Variants in VPS26B observed in about 807,000 individuals in gnomAD.
VPS26B encodes the protein vacuolar protein sorting-associated protein 26B.
VPS26B carries 10 observed loss-of-function variants against 33.3 expected under a neutral mutation model. The ratio of observed to expected loss-of-function variants is 0.30; its 90% CI spans 0.19 to 0.51. The LOEUF (loss-of-function observed/expected upper bound fraction) is 0.51. VPS26B is among the 20% of genes least tolerant of loss of function. The pLI, the probability that VPS26B is intolerant of heterozygous loss-of-function variation, is 0.98. For synonymous variants in VPS26B, 190 were observed against 176.9 expected (o/e 1.07, Z -0.59); for missense variants, 317 against 452.7 (o/e 0.70, Z 2.72).
rs1317673865 is a variant in VPS26B, at chr11:134,240,249, G to A, written c.545+94G>A. The A allele has an allele frequency of 7.0e-6, 10 of 1,429,130 alleles. No individual in the cohort carries two copies. Among genetic ancestry groups the A allele is most frequent in the Middle Eastern group, 2.1e-4 (1 of 4,854 alleles). The allele number at this position is 1,429,130 out of a possible 1,614,324, so 88.5% of individuals were successfully genotyped here. A position where few individuals can be genotyped will look rare whatever the true frequency, so the allele number is the denominator to read the frequency against. ...GCAAACTGATGACCCTCTGTGACTCGACTGCTTTGTGGTGGCATGCGGTGG... is the reference window on the plus strand; with the variant it reads ...GCAAACTGATGACCCTCTGTGACTCAACTGCTTTGTGGTGGCATGCGGTGG... On this transcript the variant is annotated intron_variant, in intron 3 of 5. Transcript: ENST00000281187. The surrounding 1 kb of genome is among the most constrained non-coding windows in gnomAD (Gnocchi z 4.4).
intron 1 of VPS26B, among the ~76,000 whole-genome samples, chr11:134,232,808 G>A (rs1407872408): frequency 6.6e-6 from 1 of 152,162 alleles, no homozygotes; most frequent in Non-Finnish European, 1.5e-5. Context: ...AGAATCTAGT[G>A]CTTAGAAACT....
intron 1 of VPS26B, among the ~76,000 whole-genome samples, chr11:134,232,981 C>T (rs1938578493): frequency 6.6e-6 from 1 of 152,178 alleles, no homozygotes; most frequent in Admixed American, 6.5e-5. Context: ...TGGGGGGGCA[C>T]AATTACTGGA....
chr11:134,230,500 T>C (rs892224757), intron 1 of VPS26B, among the ~76,000 whole-genome samples: 3 of 152,226 alleles, frequency 2.0e-5, no homozygotes, highest in Non-Finnish European at 4.4e-5. Flanking sequence ...ATGAGCAACA[T>C]GTGGTTGTCC....
chr11:134,244,769 ATTT>A lies in VPS26B; in HGVS notation c.722-166_722-164del. Reference sequence around the variant, plus strand: ...ACCTGGAGTGGAACTGGAGAGTCACATTTTTGTTTCAGCCACCTGCTGGGCAGC... The same window carrying A: ...ACCTGGAGTGGAACTGGAGAGTCACATTGTTTCAGCCACCTGCTGGGCAGC... On this transcript the variant is annotated intron_variant, in intron 4 of 5. Transcript: ENST00000281187. This position sits in a 1 kb window ranked among gnomAD's most constrained non-coding sequence, Gnocchi z 4.0. 2 of 860,890 alleles carry A rather than the reference ATTT, an allele frequency of 2.3e-6. No individual in the cohort carries two copies. The highest frequency in any genetic ancestry group is 3.4e-6 in the Non-Finnish European group (2 of 583,340). 53.3% of individuals were successfully genotyped at this position (860,890 alleles called of 1,614,324 possible). A position where few individuals can be genotyped will look rare whatever the true frequency, so the allele number is the denominator to read the frequency against.
At chr11:134,237,400 GGAA>G (rs1867656155) in intron 2 of VPS26B, among the ~76,000 whole-genome samples, 1 of 152,192 alleles carries the variant, frequency 6.6e-6, no homozygotes, top group Non-Finnish European at 1.5e-5. Context: ...GCTATCAGGA[GGAA>G]GAAATGATCT....
In VPS26B at chr11:134,225,360, G is replaced by A. The variant is rs1938430313; in HGVS notation, c.223+15G>A. 3.1e-6 allele frequency: 5 copies of A among 1,612,420 alleles called. No individual in the cohort carries two copies. The highest frequency in any genetic ancestry group is 4.2e-6 in the Non-Finnish European group (5 of 1,179,346). On this transcript the variant is annotated intron_variant, in intron 1 of 5. Transcript: ENST00000281187. ...CGGGCAGATCGGTGAGTCGACCCCC[G>A]GGACCCCCTCCCCCAGCGCCGACAG...
rs55726358 is a variant in VPS26B, at chr11:134,240,794, CGTGTGTGTGTGTGTGTGTGTGT to C, written c.545+652_545+673del. On this transcript the variant is annotated intron_variant, in intron 3 of 5. Transcript: ENST00000281187. This position sits in a 1 kb window ranked among gnomAD's most constrained non-coding sequence, Gnocchi z 4.4. ...GTGTCCGTGTGTGTGTGTGTGTGTC[CGTGTGTGTGTGTGTGTGTGTGT>C]GTGTGTGTGTGTAGCCAAGGTTTCA... 2.9e-5 allele frequency among the ~76,000 whole-genome samples: 4 copies of C among 138,532 alleles called. No individual in the cohort carries two copies. Among genetic ancestry groups the C allele is most frequent in the African/African-American group, 1.1e-4 (4 of 36,446 alleles). 90.9% of individuals were successfully genotyped at this position (138,532 alleles called of 152,430 possible). A position where few individuals can be genotyped will look rare whatever the true frequency, so the allele number is the denominator to read the frequency against.
chr11:134,228,769 G>T (rs972370298), intron 1 of VPS26B, among the ~76,000 whole-genome samples: 1 of 152,210 alleles, frequency 6.6e-6, no homozygotes, highest in Admixed American at 6.5e-5. Flanking sequence ...CCAGAGCGAG[G>T]CTAGTGAGTG....
At chr11:134,226,458 T>A (rs1427759126) in intron 1 of VPS26B, among the ~76,000 whole-genome samples, 1 of 152,150 alleles carries the variant, frequency 6.6e-6, no homozygotes, top group South Asian at 2.1e-4. Context: ...AAGGCAGTAA[T>A]GGTAAAGTGA....
chr11:134,232,777 C>T (rs760810174), intron 1 of VPS26B, among the ~76,000 whole-genome samples: 2 of 152,200 alleles, frequency 1.3e-5, no homozygotes, highest in African/African-American at 2.4e-5. Flanking sequence ...CTGCCTGCTT[C>T]TGTCCCCTGA....
At position 134,247,612 on chromosome 11, in the gene VPS26B, G is replaced by C. The variant is rs1412353194; in HGVS notation, c.*2022G>C. The C allele has an allele frequency of 6.5e-6, 1 of 152,708 alleles. No individual in the cohort carries two copies. The highest frequency in any genetic ancestry group is 1.5e-5 in the Non-Finnish European group (1 of 68,130). 9.5% of individuals were successfully genotyped at this position (152,708 alleles called of 1,614,324 possible). On this transcript the variant is annotated 3_prime_UTR_variant, in exon 6 of 6. Coordinates refer to ENST00000281187, the MANE Select transcript of VPS26B (RefSeq NM_052875.5). ...CCCTCTCTTAAGGTCCCCAAACCTG[G>C]GAGTGCATAGGTACTAAATCAAGCA... is the stretch of plus-strand genomic sequence containing the variant.
chr11:134,234,885 G>A lies in VPS26B; in HGVS notation c.224-12G>A. ...TGATAAAGGAGGGCGTCGCATCGCT[G>A]TCTCTCACCAGAACTCTACTACGAT... is the stretch of plus-strand genomic sequence containing the variant. On this transcript the variant is annotated splice_polypyrimidine_tract_variant and intron_variant, in intron 1 of 5. Coordinates refer to ENST00000281187, the MANE Select transcript of VPS26B (RefSeq NM_052875.5). The A allele has an allele frequency of 6.2e-7, 1 of 1,612,832 alleles. No individual in the cohort carries two copies. The highest frequency in any genetic ancestry group is 8.5e-7 in the Non-Finnish European group (1 of 1,179,120).
Position 134,244,864 on chromosome 11 carries a change from T to C in VPS26B, c.722-74T>C, listed in dbSNP as rs1938786006. 6.5e-6 allele frequency: 10 copies of C among 1,545,354 alleles called. No homozygotes were observed. The South Asian group carries it at 1.2e-4, about 19-fold the overall frequency. ...CTGCACTCCAGTGGCATCTCTGCAG[T>C]GGTCAGAGTGACCTGGTATAAGGGA... On this transcript the variant is annotated intron_variant, in intron 4 of 5. Coordinates refer to ENST00000281187, the MANE Select transcript of VPS26B (RefSeq NM_052875.5). The surrounding 1 kb of genome is among the most constrained non-coding windows in gnomAD (Gnocchi z 4.0).
chr11:134,239,957 G>A, intron 2 of VPS26B, 34 bp from the exon 3 acceptor site: 1 of 1,613,634 alleles, frequency 6.2e-7, no homozygotes, highest in South Asian at 1.1e-5. Flanking sequence ...TGGAGACTGG[G>A]AGTGTTTATT....
rs1938841400 is a variant in VPS26B, at chr11:134,247,048, C to T, written c.*1458C>T. The T allele has an allele frequency of 6.6e-6, 1 of 152,138 alleles. No individual in the cohort carries two copies. Among genetic ancestry groups the T allele is most frequent in the South Asian group, 2.1e-4 (1 of 4,830 alleles). 9.4% of individuals were successfully genotyped at this position (152,138 alleles called of 1,614,324 possible). On this transcript the variant is annotated 3_prime_UTR_variant, in exon 6 of 6. Transcript: ENST00000281187. ...TGTGGGAAAGGAAGACTTCTGTTTT[C>T]CTGAGATCAGTGCAGTCTCAGGCCT... is the stretch of plus-strand genomic sequence containing the variant.
In VPS26B at chr11:134,244,555, G is replaced by A. The variant is rs951709995; in HGVS notation, c.722-383G>A. 1 of 170,754 alleles carries A rather than the reference G, an allele frequency of 5.9e-6. No individual in the cohort carries two copies. The highest frequency in any genetic ancestry group is 2.4e-5 in the African/African-American group (1 of 41,948). The allele number at this position is 170,754 out of a possible 1,614,324, so 10.6% of individuals were successfully genotyped here. A position where few individuals can be genotyped will look rare whatever the true frequency, so the allele number is the denominator to read the frequency against. On this transcript the variant is annotated intron_variant, in intron 4 of 5. Coordinates refer to ENST00000281187, the MANE Select transcript of VPS26B (RefSeq NM_052875.5). This position sits in a 1 kb window ranked among gnomAD's most constrained non-coding sequence, Gnocchi z 4.0. ...TGTATTTTGGGGGGCATACACTGAGGATGGAGAAAGATGGCATCAGAACTG... is the reference window on the plus strand; with the variant it reads ...TGTATTTTGGGGGGCATACACTGAGAATGGAGAAAGATGGCATCAGAACTG...
intron 2 of VPS26B, chr11:134,239,785 A>G (rs950856371): frequency 3.6e-5 from 21 of 587,766 alleles, no homozygotes; most frequent in African/African-American, 3.0e-4. Context: ...TGAACTCCCT[A>G]GAATTGTGGT....
rs1376187884 is a variant in VPS26B, at chr11:134,236,686, G to A, written c.380+1633G>A. The A allele has an allele frequency of 2.0e-5, 3 of 152,332 alleles. No individual in the cohort carries two copies. The East Asian group carries it at 5.8e-4, about 29-fold the overall frequency. The allele number at this position is 152,332 out of a possible 1,614,324, so 9.4% of individuals were successfully genotyped here. A position where few individuals can be genotyped will look rare whatever the true frequency, so the allele number is the denominator to read the frequency against. On this transcript the variant is annotated intron_variant, in intron 2 of 5. Transcript: ENST00000281187. ...AACATGGGTGAACCTAAAGGACATT[G>A]TGCTACGTGAAAGAAGCCTGTCACA...
intron 2 of VPS26B, chr11:134,236,423 T>TA (rs1282011179): frequency 6.6e-6 from 1 of 152,150 alleles, no homozygotes; most frequent in African/African-American, 2.4e-5. Flanking sequence ...TAAACAGAAT[T>TA]ACCATATGAT....
Sources: allele counts gnomAD v4.1 joint callset (sites outside exome capture counted in the v4.1 genomes callset), GRCh38; gene constraint gnomAD v4.1.1; non-coding constraint Gnocchi (gnomAD v3.1); transcripts MANE v1.5; gene names NCBI Gene and HGNC (gene_info 2026-07-23, HGNC 2026-07-21).